PPFIA2: variants seen among roughly 807,000 people sequenced by gnomAD.
PPFIA2 encodes liprin-alpha-2.
In PPFIA2, 46 loss-of-function variants were observed where a neutral mutation model predicts 175.5. The observed-to-expected ratio is 0.26, with a 90% CI of 0.21 to 0.34. The LOEUF (loss-of-function observed/expected upper bound fraction) is 0.34, where lower values mean the gene tolerates loss of function less well. PPFIA2 is among the 10% of genes least tolerant of loss of function. The pLI is 1.00. For missense variants in PPFIA2, 1,179 were observed against 1,506.1 expected, an observed-to-expected ratio of 0.78 and a Z score of 3.60; for synonymous variants, 568 against 511.4, an observed-to-expected ratio of 1.11 and a Z score of -1.49.
intron 7 of PPFIA2, chr12:81,430,131 T>A (rs1234608895): frequency 6.6e-6 from 1 of 152,110 alleles, no homozygotes; most frequent in African/African-American, 2.4e-5. Flanking sequence ...GTTCTATTAC[T>A]TGCCATTGAT....
intron 4 of PPFIA2, among the ~76,000 whole-genome samples, chr12:81,467,344 C>A (rs560556150): frequency 6.6e-6 from 1 of 152,170 alleles, no homozygotes; most frequent in Admixed American, 6.5e-5. Flanking sequence ...AAGGGTAGAG[C>A]CTATGAGGAA....
At chr12:81,425,302 ACCAGTTGCCTTTC>A (rs2046953412) in intron 7 of PPFIA2, among the ~76,000 whole-genome samples, 1 of 152,110 alleles carries the variant, frequency 6.6e-6, no homozygotes, top group South Asian at 2.1e-4. Context: ...CCTCAAAAAC[ACCAGTTGCCTTTC>A]CCAAACTTGC....
At position 81,368,772 on chromosome 12, in the gene PPFIA2, G is replaced by A. The variant is rs1289547923; in HGVS notation, c.1435C>T (p.Arg479Cys). ...VDRLLTESNE[R>C]LQLHLKERMA... Reference sequence around the variant, plus strand: ...CTTTCCTTTAAGTGTAGTTGTAGGCGTTCATTGGATTCAGTCAGAAGTCTA... The same window carrying A: ...CTTTCCTTTAAGTGTAGTTGTAGGCATTCATTGGATTCAGTCAGAAGTCTA... The change falls in exon 13 of 33, where the codon CGC becomes TGC. Residue 479 changes from arginine (R) to cysteine (C), a missense_variant. Around this residue, in one of 10 missense-constraint regions of PPFIA2, gnomAD observed 66 missense variants for 129.4 expected, o/e 0.51. Transcript: ENST00000549396. 3 of 1,610,498 alleles carry A rather than the reference G, an allele frequency of 1.9e-6. No individual in the cohort carries two copies. Among genetic ancestry groups the A allele is most frequent in the Non-Finnish European group, 1.7e-6 (2 of 1,177,584 alleles).
intron 10 of PPFIA2, 37 bp downstream of exon 10, chr12:81,375,759 C>T: frequency 6.4e-7 from 1 of 1,559,106 alleles, no homozygotes; most frequent in Non-Finnish European, 8.8e-7. Context: ...GATGAGAACG[C>T]ACAGACCAGA....
chr12:81,691,871 T>C (rs1039122150), intron 3 of PPFIA2, among the ~76,000 whole-genome samples: 5 of 152,092 alleles, frequency 3.3e-5, no homozygotes, highest in Non-Finnish European at 7.4e-5. Flanking sequence ...TAATATTCTT[T>C]AGAATGTCTT....
At chr12:81,322,710 A>G (rs2053925623) in intron 22 of PPFIA2, among the ~76,000 whole-genome samples, 1 of 152,146 alleles carries the variant, frequency 6.6e-6, no homozygotes. Flanking sequence ...GCAACAATAG[A>G]TTGACTTTAG....
chr12:81,521,698 T>C (rs1417663042), intron 4 of PPFIA2, among the ~76,000 whole-genome samples: 1 of 149,624 alleles, frequency 6.7e-6, no homozygotes, highest in African/African-American at 2.5e-5. Flanking sequence ...CGGGCGCCTG[T>C]AGTCCCAGCT....
intron 21 of PPFIA2, among the ~76,000 whole-genome samples, chr12:81,331,261 G>A (rs967877763): frequency 4.6e-5 from 7 of 152,208 alleles, no homozygotes; most frequent in South Asian, 2.1e-4. Flanking sequence ...ACAGTGTTCA[G>A]TACAGTCACA....
At chr12:81,387,939 T>C (rs1434158778) in intron 8 of PPFIA2, among the ~76,000 whole-genome samples, 3 of 152,078 alleles carry the variant, frequency 2.0e-5, no homozygotes, top group Non-Finnish European at 4.4e-5. Flanking sequence ...CCAGCAACAT[T>C]TCCAGCAGAA....
chr12:81,376,175 A>G (rs2036315994), intron 9 of PPFIA2, among the ~76,000 whole-genome samples: 1 of 152,192 alleles, frequency 6.6e-6, no homozygotes, highest in Non-Finnish European at 1.5e-5. Context: ...TAAGAATGCA[A>G]TGGAGTAGCT....
chr12:81,516,498 C>T (rs11114900), intron 4 of PPFIA2, among the ~76,000 whole-genome samples: 10,828 of 152,168 alleles, frequency 0.071, 551 homozygotes, highest in East Asian at 0.2. Context: ...TCTTTGCAGA[C>T]GTTAAAAATA....
At chr12:81,669,779 G>A (rs1420530784) in intron 4 of PPFIA2, among the ~76,000 whole-genome samples, 2 of 151,890 alleles carry the variant, frequency 1.3e-5, no homozygotes, top group African/African-American at 2.4e-5. Context: ...GGTAGAAGGT[G>A]AGTTCCTAGA....
At chr12:81,616,098 TGAGAGTATTGTTGGGG>T (rs1388832825) in intron 4 of PPFIA2, among the ~76,000 whole-genome samples, 1 of 152,144 alleles carries the variant, frequency 6.6e-6, no homozygotes, top group Non-Finnish European at 1.5e-5. Flanking sequence ...GGATATCAGC[TGAGAGTATTGTTGGGG>T]GAGAGAATTT....
At chr12:81,538,584 G>C (rs1008745809) in intron 4 of PPFIA2, among the ~76,000 whole-genome samples, 1 of 151,926 alleles carries the variant, frequency 6.6e-6, no homozygotes, top group East Asian at 1.9e-4. Flanking sequence ...AGGTATCATA[G>C]AGAAGATGCT....
intron 18 of PPFIA2, 99 bp downstream of exon 18, chr12:81,347,434 C>T: frequency 9.9e-7 from 1 of 1,014,492 alleles, no homozygotes; most frequent in Non-Finnish European, 1.6e-6. Flanking sequence ...ATAAAATACA[C>T]AGAAAGTACT....
chr12:81,609,787 GAT>G (rs1018716401), intron 4 of PPFIA2, among the ~76,000 whole-genome samples: 1 of 152,080 alleles, frequency 6.6e-6, no homozygotes, highest in Non-Finnish European at 1.5e-5. Flanking sequence ...GGTTAATATT[GAT>G]ATGTGTGATT....
chr12:81,735,500 A>T (rs2081460914), intron 3 of PPFIA2, among the ~76,000 whole-genome samples: 1 of 151,776 alleles, frequency 6.6e-6, no homozygotes, highest in African/African-American at 2.4e-5. Context: ...ATGTCCTTTA[A>T]CAGAGATATG....
At chr12:81,291,788 A>G (rs527592262) in intron 24 of PPFIA2, among the ~76,000 whole-genome samples, 11 of 152,208 alleles carry the variant, frequency 7.2e-5, no homozygotes, top group African/African-American at 2.6e-4. Context: ...TGAATAATGA[A>G]TTGGAGAAAA....
At chr12:81,622,537 A>G (rs1259281981) in intron 4 of PPFIA2, among the ~76,000 whole-genome samples, 1 of 152,142 alleles carries the variant, frequency 6.6e-6, no homozygotes, top group African/African-American at 2.4e-5. Context: ...TAAAGGAAAA[A>G]ATCAGAAAAC....
Sources: gnomAD v4.1 joint callset for allele counts (sites outside exome capture counted in the v4.1 genomes callset) on GRCh38, gnomAD v4.1.1 for gene constraint, gnomAD v4.1.1 regional missense constraint, MANE v1.5 for transcripts, NCBI Gene and HGNC (gene_info 2026-07-23, HGNC 2026-07-21) for gene names.